RGS12: variants seen among roughly 807,000 people sequenced by gnomAD.
The protein encoded by RGS12 is regulator of G-protein signaling 12.
In RGS12, 66 loss-of-function variants were observed where a neutral mutation model predicts 120.1. The observed-to-expected ratio is 0.55, with a 90% CI of 0.45 to 0.67. The LOEUF (loss-of-function observed/expected upper bound fraction) is 0.67, where lower values mean the gene tolerates loss of function less well. RGS12 is among the 30% of genes least tolerant of loss of function. The pLI, the probability that RGS12 is intolerant of heterozygous loss-of-function variation, is 0.00. For synonymous variants in RGS12, 827 were observed against 804.7 expected (o/e 1.03, Z -0.47); for missense variants, 1,859 against 1,957.7 (o/e 0.95, Z 0.95).
intron 4 of RGS12, among the ~76,000 whole-genome samples, chr4:3,407,996 T>C (rs1436319642): frequency 6.6e-6 from 1 of 152,206 alleles, no homozygotes; most frequent in African/African-American, 2.4e-5. Flanking sequence ...CCCACAACAA[T>C]ACCGTAAACT....
At chr4:3,313,477 C>T (rs566694151) in intron 1 of RGS12, among the ~76,000 whole-genome samples, 51 of 152,320 alleles carry the variant, frequency 3.3e-4, no homozygotes, top group African/African-American at 1.2e-3. Flanking sequence ...TCCCCTCACC[C>T]GTGACAAAGT....
chr4:3,404,012 A>G (rs945653284), intron 4 of RGS12, among the ~76,000 whole-genome samples: 2 of 152,216 alleles, frequency 1.3e-5, no homozygotes, highest in Non-Finnish European at 2.9e-5. Flanking sequence ...GCACTACCAC[A>G]CTTCTGTGCA....
At position 3,414,848 on chromosome 4, in the gene RGS12, A is replaced by G. The variant is rs774098858; in HGVS notation, c.2283+4A>G. On this transcript the variant is annotated splice_donor_region_variant and intron_variant, in intron 6 of 17. Transcript: ENST00000336727. ...TCCTGCACATGACAAAAAGGAGGTA[A>G]GTCCACGCTTGGGAAGTGGGGGCTG... 3 of 1,608,026 alleles carry G rather than the reference A, an allele frequency of 1.9e-6. No homozygotes were observed. The highest frequency in any genetic ancestry group is 2.6e-6 in the Non-Finnish European group (3 of 1,174,460).
chr4:3,424,689 G>A (rs1723423386), intron 13 of RGS12, among the ~76,000 whole-genome samples: 1 of 152,264 alleles, frequency 6.6e-6, no homozygotes, highest in Non-Finnish European at 1.5e-5. Flanking sequence ...GGCTGTGGGG[G>A]CTATGGAGGA....
chr4:3,436,972 A>G (rs1021575104), intron 17 of RGS12, among the ~76,000 whole-genome samples: 1 of 152,132 alleles, frequency 6.6e-6, no homozygotes, highest in African/African-American at 2.4e-5. Context: ...GGATGTTTGG[A>G]GATGTGGCAC....
chr4:3,357,364 CAAA>C (rs889749089), intron 3 of RGS12, among the ~76,000 whole-genome samples: 2 of 152,032 alleles, frequency 1.3e-5, no homozygotes, highest in Non-Finnish European at 2.9e-5. Flanking sequence ...CTTTGGTGTA[CAAA>C]GTTCTTAAAT....
chr4:3,415,911 C>T (rs1253903936), intron 6 of RGS12, 67 bp from the exon 7 acceptor site: 1 of 1,535,730 alleles, frequency 6.5e-7, no homozygotes, highest in Non-Finnish European at 8.8e-7. Context: ...GGTGTCGGGC[C>T]TTGGCAGGCA....
In RGS12 at chr4:3,366,906, C is replaced by T. The variant is rs1716367649; in HGVS notation, c.1999-19510C>T. 6.6e-6 allele frequency among the ~76,000 whole-genome samples: 1 copy of T among 152,204 alleles called. No individual in the cohort carries two copies. The highest frequency in any genetic ancestry group is 1.5e-5 in the Non-Finnish European group (1 of 68,032). On this transcript the variant is annotated intron_variant, in intron 3 of 17. Coordinates refer to ENST00000336727, the MANE Select transcript of RGS12 (RefSeq NM_001394154.1). This position sits in a 1 kb window ranked among gnomAD's most constrained non-coding sequence, Gnocchi z 4.0. ...ACTGGAACTTTCCAGTTAGCCAGGCCTCTCCTGGCCCCAGGACATAGCCCA... is the reference window on the plus strand; with the variant it reads ...ACTGGAACTTTCCAGTTAGCCAGGCTTCTCCTGGCCCCAGGACATAGCCCA...
chr4:3,358,099 T>A (rs925315123), intron 3 of RGS12, among the ~76,000 whole-genome samples: 1 of 152,234 alleles, frequency 6.6e-6, no homozygotes, highest in Non-Finnish European at 1.5e-5. Flanking sequence ...ATTCTTTTTA[T>A]ACTATTGTTA....
intron 2 of RGS12, among the ~76,000 whole-genome samples, chr4:3,337,733 G>C (rs1056947755): frequency 6.6e-6 from 1 of 152,202 alleles, no homozygotes; most frequent in African/African-American, 2.4e-5. Context: ...GCAGAGCTTC[G>C]TTCTGGGAAG....
chr4:3,415,906 C>T (rs1002276010), intron 6 of RGS12, 72 bp from the exon 7 acceptor site: 25 of 1,504,710 alleles, frequency 1.7e-5, no homozygotes, highest in Middle Eastern at 2.4e-4. Context: ...CCGGGGGTGT[C>T]GGGCCTTGGC....
intron 4 of RGS12, among the ~76,000 whole-genome samples, chr4:3,398,800 A>G (rs1434168274): frequency 6.6e-6 from 1 of 152,240 alleles, no homozygotes; most frequent in East Asian, 1.9e-4. Flanking sequence ...TAAATCTAAC[A>G]GACACATAGA....
At chr4:3,348,998 C>A (rs555145568) in intron 3 of RGS12, among the ~76,000 whole-genome samples, 10 of 152,324 alleles carry the variant, frequency 6.6e-5, no homozygotes, top group Admixed American at 1.3e-4. Flanking sequence ...TAGAAAAAAG[C>A]TGCAGTTCAG....
At position 3,309,634 on chromosome 4, in the gene RGS12, G is replaced by A. The variant is rs1403646884; in HGVS notation, c.-101-6436G>A. 1.2e-4 allele frequency among the ~76,000 whole-genome samples: 14 copies of A among 118,428 alleles called. 1 individual carries two copies. Among genetic ancestry groups the A allele is most frequent in the African/African-American group, 3.9e-4 (11 of 28,058 alleles). 77.7% of individuals were successfully genotyped at this position (118,428 alleles called of 152,430 possible). ...TGGGAATGGCAGGTGTCCGCTGAGG[G>A]GAACCGTGTGGGGGAGGAGCTGGGA... On this transcript the variant is annotated intron_variant, in intron 1 of 17. Transcript: ENST00000336727.
At chr4:3,351,131 C>G (rs557121250) in intron 3 of RGS12, among the ~76,000 whole-genome samples, 1 of 151,992 alleles carries the variant, frequency 6.6e-6, no homozygotes, top group East Asian at 1.9e-4. Flanking sequence ...CCTTTTAATC[C>G]TTTTTTCAGA....
rs1408690771 is a variant in RGS12, at chr4:3,365,308, T to C, written c.1999-21108T>C. 3.3e-5 allele frequency among the ~76,000 whole-genome samples: 5 copies of C among 152,008 alleles called. No individual in the cohort carries two copies. Among genetic ancestry groups the C allele is most frequent in the African/African-American group, 4.8e-5 (2 of 41,396 alleles). ...GTGGGGTCGAGTGCGTGGTGTCGCC[T>C]GCACAGCGGGCAGTGCCTACTCTTG... On this transcript the variant is annotated intron_variant, in intron 3 of 17. Coordinates refer to ENST00000336727, the MANE Select transcript of RGS12 (RefSeq NM_001394154.1). This position sits in a 1 kb window ranked among gnomAD's most constrained non-coding sequence, Gnocchi z 4.0.
intron 1 of RGS12, among the ~76,000 whole-genome samples, chr4:3,302,998 G>A (rs1723769990): frequency 6.6e-6 from 1 of 152,200 alleles, no homozygotes; most frequent in Admixed American, 6.5e-5. Context: ...GTTCGTAGTT[G>A]CCCACCTGGA....
chr4:3,421,869 GC>G (rs1220788455), intron 10 of RGS12, among the ~76,000 whole-genome samples: 1 of 152,254 alleles, frequency 6.6e-6, no homozygotes, highest in Non-Finnish European at 1.5e-5. Context: ...TGTGCAGCCA[GC>G]CTACCACTGT....
At chr4:3,394,214 G>A (rs1203800555) in intron 4 of RGS12, among the ~76,000 whole-genome samples, 3 of 151,822 alleles carry the variant, frequency 2.0e-5, no homozygotes, top group Non-Finnish European at 2.9e-5. Context: ...CCAGGCTAGA[G>A]TACAGTGGTG....
Sources: allele counts gnomAD v4.1 joint callset (sites outside exome capture counted in the v4.1 genomes callset), GRCh38; gene constraint gnomAD v4.1.1; non-coding constraint Gnocchi (gnomAD v3.1); transcripts MANE v1.5; gene names NCBI Gene and HGNC (gene_info 2026-07-23, HGNC 2026-07-21).